Variants in RYR3 observed in about 807,000 individuals in gnomAD.
The protein encoded by RYR3 is ryanodine receptor 3.
In RYR3, 207 loss-of-function variants were observed where a neutral mutation model predicts 584.3. The ratio of observed to expected loss-of-function variants is 0.35; its 90% CI spans 0.32 to 0.40. RYR3 has a LOEUF of 0.40. RYR3 is among the 10% of genes least tolerant of loss of function. The pLI, the probability that RYR3 is intolerant of heterozygous loss-of-function variation, is 1.00. For synonymous variants in RYR3, 2,416 were observed against 2,248.5 expected (o/e 1.07, Z -2.11); for missense variants, 5,616 against 6,089.2 (o/e 0.92, Z 2.59).
At chr15:33,586,366 C>T (rs187175023) in intron 16 of RYR3, among the ~76,000 whole-genome samples, 73 of 152,298 alleles carry the variant, frequency 4.8e-4, no homozygotes, top group Middle Eastern at 3.4e-3. Context: ...CCCTTAACAC[C>T]AGCTCACTGT....
chr15:33,521,035 G>A (rs546693183), intron 3 of RYR3, among the ~76,000 whole-genome samples: 1 of 152,288 alleles, frequency 6.6e-6, no homozygotes, highest in South Asian at 2.1e-4. Context: ...TTGGAAGGCA[G>A]GAGGTTCCCC....
chr15:33,391,298 T>C (rs1278719493), intron 1 of RYR3, among the ~76,000 whole-genome samples: 1 of 152,194 alleles, frequency 6.6e-6, no homozygotes, highest in African/African-American at 2.4e-5. Context: ...TTTGAACAAG[T>C]GCAAGATTGC....
intron 1 of RYR3, among the ~76,000 whole-genome samples, chr15:33,319,974 G>A (rs1274270960): frequency 3.3e-5 from 5 of 152,152 alleles, no homozygotes; most frequent in Admixed American, 3.3e-4. Flanking sequence ...GTAGCTAAAT[G>A]TGTAAATCAG....
intron 1 of RYR3, among the ~76,000 whole-genome samples, chr15:33,399,679 G>T (rs776509570): frequency 2.1e-4 from 32 of 152,072 alleles, no homozygotes; most frequent in Non-Finnish European, 3.7e-4. Flanking sequence ...AATTGTTCAT[G>T]GGCGACAGCT....
At chr15:33,689,930 A>G (rs1431418480) in intron 38 of RYR3, among the ~76,000 whole-genome samples, 1 of 152,206 alleles carries the variant, frequency 6.6e-6, no homozygotes, top group Non-Finnish European at 1.5e-5. Flanking sequence ...AACCTTGGGC[A>G]TGTAACAGAT....
At chr15:33,714,321 C>T (rs2067331368) in intron 43 of RYR3, among the ~76,000 whole-genome samples, 2 of 152,146 alleles carry the variant, frequency 1.3e-5, no homozygotes, top group Admixed American at 1.3e-4. Context: ...AAAACTCTTT[C>T]TAACATTAAT....
chr15:33,473,089 A>G (rs893458158), intron 1 of RYR3, among the ~76,000 whole-genome samples: 1 of 152,162 alleles, frequency 6.6e-6, no homozygotes, highest in African/African-American at 2.4e-5. Context: ...AGATTGTATA[A>G]ATTTGCTTTC....
chr15:33,731,936 G>A (rs768475049), intron 48 of RYR3, among the ~76,000 whole-genome samples: 9 of 152,258 alleles, frequency 5.9e-5, no homozygotes, highest in Non-Finnish European at 1.2e-4. Context: ...TACCCATTAC[G>A]GTTGATGGAC....
intron 1 of RYR3, among the ~76,000 whole-genome samples, chr15:33,347,450 C>CTTT (rs780033353): frequency 7.1e-6 from 1 of 141,260 alleles, no homozygotes; most frequent in African/African-American, 2.6e-5. Context: ...ACATTGGGAG[C>CTTT]TTTTTTTTTT....
intron 47 of RYR3, among the ~76,000 whole-genome samples, chr15:33,731,258 T>TG (rs780378736): frequency 5.7e-5 from 4 of 70,528 alleles, no homozygotes; most frequent in African/African-American, 1.5e-4. Context: ...TTTTTGTGTG[T>TG]TTTTTTTTTG....
chr15:33,377,198 C>T (rs2040815336), intron 1 of RYR3, among the ~76,000 whole-genome samples: 1 of 152,184 alleles, frequency 6.6e-6, no homozygotes, highest in South Asian at 2.1e-4. Context: ...TGGTTACAAA[C>T]CAACCCTGAA....
chr15:33,533,846 G>A (rs777670417), intron 5 of RYR3, among the ~76,000 whole-genome samples: 19 of 152,084 alleles, frequency 1.2e-4, no homozygotes, highest in Non-Finnish European at 2.2e-4. Flanking sequence ...ATCTATAATC[G>A]TGATTTTGCC....
intron 12 of RYR3, among the ~76,000 whole-genome samples, chr15:33,573,002 A>G (rs1051065630): frequency 2.0e-5 from 3 of 151,704 alleles, no homozygotes; most frequent in Admixed American, 6.6e-5. Context: ...TAAAAATAAG[A>G]TAAAATAAAT....
intron 36 of RYR3, among the ~76,000 whole-genome samples, chr15:33,664,396 C>T (rs2063352960): frequency 1.3e-5 from 2 of 152,024 alleles, no homozygotes; most frequent in Admixed American, 6.6e-5. Flanking sequence ...GAGACACATT[C>T]TGTAGAATAG....
At chr15:33,758,648 G>A (rs964442932) in intron 60 of RYR3, among the ~76,000 whole-genome samples, 4 of 152,212 alleles carry the variant, frequency 2.6e-5, no homozygotes, top group African/African-American at 4.8e-5. Flanking sequence ...GCCCCAATCC[G>A]GATTGTAGAC....
intron 43 of RYR3, among the ~76,000 whole-genome samples, chr15:33,710,812 C>T (rs147833019): frequency 6.6e-6 from 1 of 152,226 alleles, no homozygotes; most frequent in East Asian, 1.9e-4. Context: ...CAAGTTTTAG[C>T]TGGGCCCATT....
chr15:33,708,205 C>G (rs533822769), intron 43 of RYR3, among the ~76,000 whole-genome samples: 1 of 152,280 alleles, frequency 6.6e-6, no homozygotes, highest in Non-Finnish European at 1.5e-5. Context: ...AGAATTAACA[C>G]GGAGTTACTG....
In RYR3 at chr15:33,312,156, C is replaced by T. The variant is rs534852397; in HGVS notation, c.51+1060C>T. The stretch of plus-strand genomic sequence containing the variant: ...TGTAAATCTTAGGTAATTTTATATG[C>T]GCTGCCTTGCTCTCAGGAATTAGAA... On this transcript the variant is annotated intron_variant, in intron 1 of 103. Transcript: ENST00000634891. 5.6e-4 allele frequency among the ~76,000 whole-genome samples: 85 copies of T among 152,310 alleles called. 1 individual carries two copies. Among genetic ancestry groups the T allele is most frequent in the African/African-American group, 1.9e-3 (78 of 41,562 alleles).
intron 1 of RYR3, among the ~76,000 whole-genome samples, chr15:33,344,185 G>T (rs1433963786): frequency 6.6e-6 from 1 of 152,114 alleles, no homozygotes; most frequent in Non-Finnish European, 1.5e-5. Flanking sequence ...TGAAGGTGAG[G>T]TTTCAATTCA....
Sources: allele counts gnomAD v4.1 joint callset (sites outside exome capture counted in the v4.1 genomes callset), GRCh38; gene constraint gnomAD v4.1.1; transcripts MANE v1.5; gene names NCBI Gene and HGNC (gene_info 2026-07-23, HGNC 2026-07-21).